The following TRPC4 variants were observed in gnomAD, a reference collection of about 807,000 sequenced individuals.
The protein encoded by TRPC4 is transient receptor potential cation channel subfamily C member 4.
TRPC4 carries 49 observed loss-of-function variants against 99.4 expected under a neutral mutation model. The observed-to-expected ratio is 0.49, with a 90% confidence interval of 0.39 to 0.63. The LOEUF is 0.63. TRPC4 is among the 20% of genes least tolerant of loss of function. TRPC4 has a pLI of 0.00. For missense variants in TRPC4, 898 were observed against 1,152.9 expected (o/e 0.78, Z 3.20); for synonymous variants, 454 against 425.9 (o/e 1.07, Z -0.81).
intron 3 of TRPC4, among the ~76,000 whole-genome samples, chr13:37,722,532 TAGA>T (rs985250856): frequency 4.6e-5 from 7 of 152,148 alleles, no homozygotes; most frequent in African/African-American, 9.7e-5. Flanking sequence ...AACATCACAC[TAGA>T]AGAACAAACA....
At chr13:37,821,477 A>G (rs761715207) in intron 1 of TRPC4, among the ~76,000 whole-genome samples, 1 of 152,124 alleles carries the variant, frequency 6.6e-6, no homozygotes, top group African/African-American at 2.4e-5. Flanking sequence ...AAATTCATAT[A>G]GAACCAAAGA....
chr13:37,732,317 T>C (rs1284911055), intron 3 of TRPC4, among the ~76,000 whole-genome samples: 3 of 152,110 alleles, frequency 2.0e-5, no homozygotes, highest in Non-Finnish European at 4.4e-5. Flanking sequence ...GAGTAGGATC[T>C]AGTCAGAGGT....
In TRPC4 at chr13:37,632,529, A is replaced by C; in HGVS notation, c.*4374T>G. Among the ~76,000 whole-genome samples the C allele has an allele frequency of 6.6e-6, 1 of 152,150 alleles. No individual in the cohort carries two copies. Among genetic ancestry groups the C allele is most frequent in the East Asian group, 1.9e-4 (1 of 5,178 alleles). On this transcript the variant is annotated 3_prime_UTR_variant, in exon 11 of 11. Coordinates refer to ENST00000379705, the MANE Select transcript of TRPC4 (RefSeq NM_016179.4). ...TTACTGAACAGTGCAGCTCTAGAGG[A>C]AATTAACGGTTTTGCTACTGGTGAA...
chr13:37,633,866 C>T lies in TRPC4; in HGVS notation c.*3037G>A, dbSNP rs1951446293. On this transcript the variant is annotated 3_prime_UTR_variant, in exon 11 of 11. Coordinates refer to ENST00000379705, the MANE Select transcript of TRPC4 (RefSeq NM_016179.4). ...CCATTTTAAAAAATATAGCCAATTT[C>T]CTTACTGAAGTTAATATAGATTTAT... Among the ~76,000 whole-genome samples the T allele has an allele frequency of 6.6e-6, 1 of 151,946 alleles. No homozygotes were observed. Among genetic ancestry groups the T allele is most frequent in the South Asian group, 2.1e-4 (1 of 4,822 alleles).
chr13:37,745,825 A>T, intron 3 of TRPC4, 112 bp downstream of exon 3: 1 of 1,143,986 alleles, frequency 8.7e-7, no homozygotes, highest in Non-Finnish European at 1.2e-6. Flanking sequence ...TCATCCACTT[A>T]CAGCTGAATA....
chr13:37,661,045 T>A (rs1358993085), intron 6 of TRPC4, among the ~76,000 whole-genome samples: 1 of 152,206 alleles, frequency 6.6e-6, no homozygotes, highest in African/African-American at 2.4e-5. Flanking sequence ...GCTTGCACAT[T>A]TATATTATTT....
chr13:37,837,178 G>C (rs34311615), intron 1 of TRPC4, among the ~76,000 whole-genome samples: 28,101 of 152,244 alleles, frequency 0.18, 2,709 homozygotes, highest in Middle Eastern at 0.2. Flanking sequence ...TTGTTACAGG[G>C]GCAGGGCCCT....
At chr13:37,806,604 G>A (rs1957535256) in intron 1 of TRPC4, among the ~76,000 whole-genome samples, 1 of 151,986 alleles carries the variant, frequency 6.6e-6, no homozygotes, top group African/African-American at 2.4e-5. Context: ...ATGGACAACT[G>A]CAATGACATT....
chr13:37,747,227 T>C (rs1955814017), intron 2 of TRPC4, among the ~76,000 whole-genome samples: 2 of 152,158 alleles, frequency 1.3e-5, no homozygotes, highest in South Asian at 2.1e-4. Context: ...CGCCATTTAG[T>C]AAGCATCTGC....
chr13:37,639,982 G>A (rs1159695643), intron 8 of TRPC4, among the ~76,000 whole-genome samples: 1 of 151,534 alleles, frequency 6.6e-6, no homozygotes, highest in African/African-American at 2.4e-5. Flanking sequence ...ATAGAGAGAT[G>A]GATTGTTTAA....
In TRPC4 at chr13:37,747,105, C is replaced by G. The variant is rs79216164; in HGVS notation, c.379-650G>C. Among the ~76,000 whole-genome samples the G allele has an allele frequency of 3.5e-4, 54 of 152,208 alleles. 2 individuals carry two copies. The South Asian group carries it at 7.5e-3, about 21-fold the overall frequency. On this transcript the variant is annotated intron_variant, in intron 2 of 10. Coordinates refer to ENST00000379705, the MANE Select transcript of TRPC4 (RefSeq NM_016179.4). ...TACTGTTTTATTAGAAATAAGCAAG[C>G]ATTGAGTCGAGTCAGCAGTGTGAAT...
rs143040069 is a variant in TRPC4 at position 37,667,368 on chromosome 13, G to A, written c.1375-3639C>T. On this transcript the variant is annotated intron_variant, in intron 5 of 10. Transcript: ENST00000379705. ...GTCGCCCAGGCTGGAGTACAGTGCC[G>A]CAATCTCGGCTCACTGCAACCTCCA... is the stretch of plus-strand genomic sequence containing the variant. Among the ~76,000 whole-genome samples, 38 of 152,216 alleles carry A rather than the reference G, an allele frequency of 2.5e-4. No individual in the cohort carries two copies. In the East Asian group the frequency reaches 5.6e-3, roughly 22 times the overall value.
At chr13:37,689,882 GA>G (rs748791895) in intron 4 of TRPC4, among the ~76,000 whole-genome samples, 4 of 152,182 alleles carry the variant, frequency 2.6e-5, no homozygotes, top group Non-Finnish European at 5.9e-5. Flanking sequence ...TTCATTAGCA[GA>G]AGGGCTCTTT....
At chr13:37,718,147 A>G (rs1954742509) in intron 3 of TRPC4, among the ~76,000 whole-genome samples, 1 of 152,074 alleles carries the variant, frequency 6.6e-6, no homozygotes, top group African/African-American at 2.4e-5. Context: ...AGGGAGTCAG[A>G]AAAAAGATTC....
intron 3 of TRPC4, among the ~76,000 whole-genome samples, chr13:37,717,429 T>C (rs1274002774): frequency 6.6e-6 from 1 of 152,144 alleles, no homozygotes; most frequent in African/African-American, 2.4e-5. Context: ...GAATGTATAC[T>C]GAAAGGGAGT....
intron 1 of TRPC4, among the ~76,000 whole-genome samples, chr13:37,803,918 A>G (rs538290161): frequency 1.3e-5 from 2 of 152,206 alleles, no homozygotes; most frequent in South Asian, 4.1e-4. Context: ...ATACCTGAGT[A>G]TGTATATTGT....
rs1951439098 is a variant in TRPC4 at position 37,633,558 on chromosome 13, C to A, written c.*3345G>T. ...ATGCTATTGTTACTTATGTTTCCTC[C>A]ACCTTTGCTAGAAAATTGACTTTGC... is the stretch of plus-strand genomic sequence containing the variant. On this transcript the variant is annotated 3_prime_UTR_variant, in exon 11 of 11. Coordinates refer to ENST00000379705, the MANE Select transcript of TRPC4 (RefSeq NM_016179.4). Among the ~76,000 whole-genome samples, 1 of 152,088 alleles carries A rather than the reference C, an allele frequency of 6.6e-6. No homozygotes were observed. The highest frequency in any genetic ancestry group is 1.5e-5 in the Non-Finnish European group (1 of 68,002).
rs4499115 is a variant in TRPC4, at chr13:37,632,690, A to T, written c.*4213T>A. Among the ~76,000 whole-genome samples the T allele has an allele frequency of 0.41, 62,157 of 152,032 alleles. 13,316 individuals are homozygous for T. The highest frequency in any genetic ancestry group is 0.51 in the South Asian group (2,455 of 4,812). On this transcript the variant is annotated 3_prime_UTR_variant, in exon 11 of 11. Transcript: ENST00000379705. ...TTTTTCAGTTGAGAAGCTTTGATAT[A>T]ATTTAATACATTTTATTATTACCAG...
At chr13:37,663,753 G>A in intron 5 of TRPC4, 24 bp from the exon 6 acceptor site, 1 of 1,574,838 alleles carries the variant, frequency 6.3e-7, no homozygotes, top group South Asian at 1.2e-5. Context: ...AGAAACAAAG[G>A]GAAAGTAAAA....
Sources: allele counts gnomAD v4.1 joint callset (sites outside exome capture counted in the v4.1 genomes callset), GRCh38; gene constraint gnomAD v4.1.1; transcripts MANE v1.5; gene names NCBI Gene and HGNC (gene_info 2026-07-23, HGNC 2026-07-21).